ITFG1: variants seen among roughly 807,000 people sequenced by gnomAD.
ITFG1 encodes T-cell immunomodulatory protein.
A neutral mutation model predicts 81.8 loss-of-function variants in ITFG1; 34 were observed. The observed-to-expected ratio is 0.42, with a 90% CI of 0.32 to 0.55. ITFG1 has a LOEUF of 0.55. ITFG1 is among the 20% of genes least tolerant of loss of function. The pLI, the probability that ITFG1 is intolerant of heterozygous loss-of-function variation, is 0.17. For synonymous variants in ITFG1, 285 were observed against 270.6 expected (o/e 1.05, Z -0.52); for missense variants, 672 against 755.4 (o/e 0.89, Z 1.29).
chr16:47,217,258 G>A (rs145385685), intron 14 of ITFG1, among the ~76,000 whole-genome samples: 39 of 152,218 alleles, frequency 2.6e-4, no homozygotes, highest in African/African-American at 7.7e-4. Flanking sequence ...ACTTGATTAC[G>A]TTAAGTAAGC....
intron 14 of ITFG1, among the ~76,000 whole-genome samples, chr16:47,187,273 T>C (rs984544618): frequency 2.6e-5 from 4 of 152,114 alleles, no homozygotes; most frequent in African/African-American, 4.8e-5. Context: ...TTAACGTTCA[T>C]ATGGAAACAA....
rs1969210785 is a variant in ITFG1, at chr16:47,439,167, A to C, written c.561-10269T>G. Among the ~76,000 whole-genome samples the C allele has an allele frequency of 1.3e-5, 2 of 152,236 alleles. 1 individual carries two copies. The highest frequency in any genetic ancestry group is 4.1e-4 in the South Asian group (2 of 4,834). Reference sequence around the variant, plus strand: ...ATAGAAAGAAACGAGCAAAGCCTCCAAGAAATATGGGACTATGTGAAAAGA... The same window carrying C: ...ATAGAAAGAAACGAGCAAAGCCTCCCAGAAATATGGGACTATGTGAAAAGA... On this transcript the variant is annotated intron_variant, in intron 5 of 17. Transcript: ENST00000320640.
intron 10 of ITFG1, among the ~76,000 whole-genome samples, chr16:47,284,234 T>G (rs571697880): frequency 1.3e-5 from 2 of 152,290 alleles, no homozygotes; most frequent in South Asian, 4.1e-4. Flanking sequence ...TTTTATGATA[T>G]GTGTATTTAC....
chr16:47,396,852 C>G (rs1375891029), intron 6 of ITFG1, among the ~76,000 whole-genome samples: 2 of 151,980 alleles, frequency 1.3e-5, no homozygotes, highest in African/African-American at 4.8e-5. Flanking sequence ...GGTATATTTT[C>G]TGGTACCTAC....
chr16:47,157,641 C>T (rs1317534789), intron 17 of ITFG1: 1 of 152,112 alleles, frequency 6.6e-6, no homozygotes, highest in Admixed American at 6.5e-5. Context: ...TCTTAAGTTG[C>T]AATCTTAAGG....
At chr16:47,369,724 G>A (rs188575724) in intron 7 of ITFG1, among the ~76,000 whole-genome samples, 1 of 151,998 alleles carries the variant, frequency 6.6e-6, no homozygotes, top group East Asian at 1.9e-4. Flanking sequence ...ATACTCATGG[G>A]GCACACAGTG....
intron 10 of ITFG1, among the ~76,000 whole-genome samples, chr16:47,289,189 C>T (rs1384366376): frequency 6.6e-6 from 1 of 152,046 alleles, no homozygotes; most frequent in East Asian, 1.9e-4. Context: ...CCTTATATTC[C>T]TGGGATAAAT....
chr16:47,443,596 T>C (rs931577816), intron 5 of ITFG1, among the ~76,000 whole-genome samples: 1 of 152,128 alleles, frequency 6.6e-6, no homozygotes, highest in African/African-American at 2.4e-5. Context: ...ATGTCCTTTG[T>C]GGGGACATGG....
At chr16:47,340,386 C>G (rs974550245) in intron 8 of ITFG1, among the ~76,000 whole-genome samples, 6 of 151,994 alleles carry the variant, frequency 3.9e-5, no homozygotes, top group Non-Finnish European at 7.4e-5. Context: ...TCTGGGACAT[C>G]AATAACATAA....
intron 10 of ITFG1, among the ~76,000 whole-genome samples, chr16:47,278,115 T>C (rs1336438535): frequency 2.6e-5 from 4 of 152,218 alleles, no homozygotes; most frequent in Admixed American, 2.6e-4. Context: ...TATCTGTTCA[T>C]TGGTCTTGAG....
intron 6 of ITFG1, among the ~76,000 whole-genome samples, chr16:47,425,338 G>C (rs932300313): frequency 8.5e-5 from 13 of 152,146 alleles, no homozygotes; most frequent in African/African-American, 3.1e-4. Flanking sequence ...TGTTTCTCCA[G>C]GTACAGTCTG....
At chr16:47,282,961 CTT>C (rs1966466258) in intron 10 of ITFG1, among the ~76,000 whole-genome samples, 1 of 151,800 alleles carries the variant, frequency 6.6e-6, no homozygotes, top group Non-Finnish European at 1.5e-5. Flanking sequence ...AGTTGAATTC[CTT>C]GTAGATTCTG....
chr16:47,408,716 A>G (rs898077860), intron 6 of ITFG1, among the ~76,000 whole-genome samples: 2 of 152,210 alleles, frequency 1.3e-5, no homozygotes, highest in Non-Finnish European at 1.5e-5. Flanking sequence ...TTGACTGGAT[A>G]TATGTCTATA....
intron 10 of ITFG1, among the ~76,000 whole-genome samples, chr16:47,301,305 C>T (rs1596873571): frequency 6.6e-6 from 1 of 151,966 alleles, no homozygotes; most frequent in Admixed American, 6.6e-5. Flanking sequence ...AAAGGTCAAA[C>T]CTGCAAGTGC....
At chr16:47,435,949 C>G (rs1253027978) in intron 5 of ITFG1, among the ~76,000 whole-genome samples, 1 of 151,920 alleles carries the variant, frequency 6.6e-6, no homozygotes, top group Non-Finnish European at 1.5e-5. Flanking sequence ...AAAATGCATA[C>G]AGTGGAATAT....
intron 6 of ITFG1, among the ~76,000 whole-genome samples, chr16:47,381,497 T>G (rs1244236654): frequency 2.0e-5 from 3 of 152,096 alleles, no homozygotes; most frequent in Non-Finnish European, 4.4e-5. Context: ...AATAAAACAT[T>G]CGTAGTATTT....
intron 8 of ITFG1, among the ~76,000 whole-genome samples, chr16:47,326,649 C>T (rs1313371422): frequency 6.6e-6 from 1 of 152,106 alleles, no homozygotes; most frequent in East Asian, 1.9e-4. Flanking sequence ...AATCAATGTG[C>T]AAAAATCACA....
In ITFG1 at chr16:47,203,555, T is replaced by G. The variant is rs149127992; in HGVS notation, c.1453+15313A>C. Among the ~76,000 whole-genome samples, 3 of 152,324 alleles carry G rather than the reference T, an allele frequency of 2.0e-5. No individual in the cohort carries two copies. The East Asian group carries it at 5.8e-4, about 29-fold the overall frequency. ...GGAGACAGTGACAGATCATCAGGCATAGATTCTCATAAGGAGCGTGCAGCC... is the reference window on the plus strand; with the variant it reads ...GGAGACAGTGACAGATCATCAGGCAGAGATTCTCATAAGGAGCGTGCAGCC... On this transcript the variant is annotated intron_variant, in intron 14 of 17. Coordinates refer to ENST00000320640, the MANE Select transcript of ITFG1 (RefSeq NM_030790.5).
chr16:47,264,595 G>T (rs1248864250), intron 10 of ITFG1, among the ~76,000 whole-genome samples: 2 of 146,226 alleles, frequency 1.4e-5, no homozygotes, highest in Admixed American at 1.3e-4. Context: ...CACACACAGA[G>T]ATAGAGAGAA....
Sources: gnomAD v4.1 joint callset for allele counts (sites outside exome capture counted in the v4.1 genomes callset) on GRCh38, gnomAD v4.1.1 for gene constraint, MANE v1.5 for transcripts, NCBI Gene and HGNC (gene_info 2026-07-23, HGNC 2026-07-21) for gene names.